The following GRM7 variants were observed in gnomAD, a reference collection of about 807,000 sequenced individuals.
GRM7 encodes glutamate metabotropic receptor 7.
GRM7 carries 35 observed loss-of-function variants against 84.5 expected under a neutral mutation model. That is an observed-to-expected ratio of 0.41 (90% CI 0.32 to 0.55). The LOEUF (loss-of-function observed/expected upper bound fraction) is 0.55, where lower values mean the gene tolerates loss of function less well. GRM7 is among the 20% of genes least tolerant of loss of function. GRM7 has a pLI of 0.19. For missense variants in GRM7, 1,003 were observed against 1,194.6 expected (o/e 0.84, Z 2.36); for synonymous variants, 487 against 455.1 (o/e 1.07, Z -0.89).
chr3:7,202,397 C>A (rs1696096392), intron 2 of GRM7, among the ~76,000 whole-genome samples: 1 of 152,154 alleles, frequency 6.6e-6, no homozygotes, highest in Non-Finnish European at 1.5e-5. Context: ...GTGGTGCAAT[C>A]TCGGCTTACT....
intron 2 of GRM7, among the ~76,000 whole-genome samples, chr3:7,220,885 G>A (rs1385928756): frequency 6.6e-6 from 1 of 152,122 alleles, no homozygotes; most frequent in Non-Finnish European, 1.5e-5. Context: ...ATGAGCTCAG[G>A]AGTTTGGCAC....
chr3:7,276,247 G>GTATA (rs1559546461), intron 2 of GRM7, among the ~76,000 whole-genome samples: 1 of 148,330 alleles, frequency 6.7e-6, no homozygotes, highest in African/African-American at 2.5e-5. Context: ...GTGTGTGTGT[G>GTATA]TGTATATATA....
intron 9 of GRM7, among the ~76,000 whole-genome samples, chr3:7,709,345 G>C (rs1701502283): frequency 6.6e-6 from 1 of 152,138 alleles, no homozygotes; most frequent in South Asian, 2.1e-4. Flanking sequence ...GTTTGGAACA[G>C]AGAGTTTGGG....
intron 7 of GRM7, among the ~76,000 whole-genome samples, chr3:7,535,836 A>G (rs138127676): frequency 1.3e-5 from 2 of 152,326 alleles, no homozygotes; most frequent in East Asian, 3.9e-4. Context: ...TTGTCAAACC[A>G]TGCACCTTGG....
chr3:7,023,559 C>T (rs1180725984), intron 1 of GRM7, among the ~76,000 whole-genome samples: 2 of 152,134 alleles, frequency 1.3e-5, no homozygotes, highest in Admixed American at 1.3e-4. Context: ...CAGGTTACAA[C>T]AATGGAAGTT....
At chr3:6,935,523 T>G (rs76102135) in intron 1 of GRM7, among the ~76,000 whole-genome samples, 6,677 of 151,988 alleles carry the variant, frequency 0.044, 498 homozygotes, top group African/African-American at 0.15. Flanking sequence ...CCTCAAGGTC[T>G]AAATTCACCC....
intron 1 of GRM7, among the ~76,000 whole-genome samples, chr3:6,892,197 G>T (rs771123627): frequency 6.6e-6 from 1 of 152,018 alleles, no homozygotes; most frequent in Non-Finnish European, 1.5e-5. Flanking sequence ...ACCTAGGATT[G>T]GTCAATTACA....
chr3:7,406,999 AG>A (rs1695709644), intron 4 of GRM7, among the ~76,000 whole-genome samples: 4 of 152,342 alleles, frequency 2.6e-5, no homozygotes, highest in South Asian at 4.1e-4. Flanking sequence ...GGAAGGAGGA[AG>A]GGTAGAAAGG....
intron 1 of GRM7, among the ~76,000 whole-genome samples, chr3:6,969,655 A>G (rs1258838715): frequency 6.6e-6 from 1 of 152,212 alleles, no homozygotes; most frequent in Admixed American, 6.5e-5. Flanking sequence ...ATTATCCATC[A>G]GTTCTTGAGA....
At chr3:7,231,227 A>T (rs1472912) in intron 2 of GRM7, among the ~76,000 whole-genome samples, 1 of 152,108 alleles carries the variant, frequency 6.6e-6, no homozygotes, top group Admixed American at 6.5e-5. Flanking sequence ...CTGGACTTCA[A>T]TCAGTTTTCC....
intron 9 of GRM7, chr3:7,681,175 T>C (rs1700350827): frequency 6.6e-6 from 1 of 152,364 alleles, no homozygotes; most frequent in South Asian, 2.1e-4. Context: ...TTTTGGCTAG[T>C]TGCATTTAGA....
At chr3:7,046,379 G>T (rs762333079) in intron 1 of GRM7, among the ~76,000 whole-genome samples, 1 of 152,120 alleles carries the variant, frequency 6.6e-6, no homozygotes, top group African/African-American at 2.4e-5. Context: ...TACATATGAT[G>T]TTTATGGCTT....
At chr3:7,205,773 T>G (rs1696217255) in intron 2 of GRM7, among the ~76,000 whole-genome samples, 1 of 152,160 alleles carries the variant, frequency 6.6e-6, no homozygotes, top group African/African-American at 2.4e-5. Context: ...GCTGATAAAC[T>G]GGCCATAAAG....
intron 7 of GRM7, among the ~76,000 whole-genome samples, chr3:7,475,461 A>T (rs1025908921): frequency 1.1e-4 from 16 of 150,522 alleles, no homozygotes; most frequent in African/African-American, 2.7e-4. Flanking sequence ...CCTGATAATT[A>T]TTTTTTTTTT....
intron 9 of GRM7, among the ~76,000 whole-genome samples, chr3:7,701,591 C>T (rs1009045864): frequency 3.9e-5 from 6 of 152,142 alleles, no homozygotes; most frequent in Admixed American, 3.3e-4. Context: ...TGTGAGCCAC[C>T]ATGCCCAGCT....
At chr3:7,102,341 C>T (rs940570498) in intron 1 of GRM7, among the ~76,000 whole-genome samples, 11 of 151,658 alleles carry the variant, frequency 7.3e-5, no homozygotes, top group Non-Finnish European at 1.2e-4. Context: ...TCATTAACAA[C>T]ATTGTTCTAT....
rs184802446 is a variant in GRM7 at position 7,563,529 on chromosome 3, A to G, written c.1516-14893A>G. ...ACAAGAGAAAGACCATTTCAGCTTG[A>G]AGGCATCAGGAAAGATTTGGGACAT... On this transcript the variant is annotated intron_variant, in intron 7 of 9. Transcript: ENST00000357716. 9.7e-4 allele frequency among the ~76,000 whole-genome samples: 147 copies of G among 152,304 alleles called. 1 individual carries two copies. Among genetic ancestry groups the G allele is most frequent in the Middle Eastern group, 6.8e-3 (2 of 294 alleles).
intron 4 of GRM7, among the ~76,000 whole-genome samples, chr3:7,320,241 C>G (rs1349043023): frequency 4.0e-5 from 6 of 151,510 alleles, no homozygotes; most frequent in Non-Finnish European, 5.9e-5. Flanking sequence ...GCTGAGACGC[C>G]TATAACAAAA....
At chr3:7,653,893 C>T (rs1355664666) in intron 8 of GRM7, among the ~76,000 whole-genome samples, 1 of 152,172 alleles carries the variant, frequency 6.6e-6, no homozygotes, top group Non-Finnish European at 1.5e-5. Flanking sequence ...AAATAATTCA[C>T]CTAAAAGATG....
Sources: allele counts gnomAD v4.1 joint callset (sites outside exome capture counted in the v4.1 genomes callset), GRCh38; gene constraint gnomAD v4.1.1; transcripts MANE v1.5; gene names NCBI Gene and HGNC (gene_info 2026-07-23, HGNC 2026-07-21).